Variants in MRPL22 observed in about 807,000 individuals in gnomAD.
MRPL22 encodes large ribosomal subunit protein uL22m.
In MRPL22, 27 loss-of-function variants were observed where a neutral mutation model predicts 32.4. That is an observed-to-expected ratio of 0.83 (90% CI 0.61 to 1.15). MRPL22 has a LOEUF of 1.15. Among genes scored for constraint, MRPL22 ranks in the 50% most tolerant of loss-of-function variants. The pLI, the probability that MRPL22 is intolerant of heterozygous loss-of-function variation, is 0.00. For missense variants in MRPL22, 239 were observed against 260.2 expected (o/e 0.92, Z 0.56); for synonymous variants, 86 against 87.3 (o/e 0.99, Z 0.08).
At chr5:154,943,565 GATAT>G (rs10544928) in intron 2 of MRPL22, among the ~76,000 whole-genome samples, 5 of 150,116 alleles carry the variant, frequency 3.3e-5, no homozygotes, top group Non-Finnish European at 3.0e-5. Flanking sequence ...ATTTCTGCAG[GATAT>G]ATATATATAT....
chr5:154,966,728 G>A lies in MRPL22; in HGVS notation c.452G>A (p.Arg151His), dbSNP rs546990845. 5 of 1,614,138 alleles carry A rather than the reference G, an allele frequency of 3.1e-6. No homozygotes were observed. The highest frequency in any genetic ancestry group is 2.2e-5 in the East Asian group (1 of 44,876). Residue 151 changes from arginine to histidine, a missense_variant, in exon 7 of 7, where the codon CGC becomes CAC. By Grantham distance (29) the Arg-to-His change is conservative. Coordinates refer to ENST00000523037, the MANE Select transcript of MRPL22 (RefSeq NM_014180.4). ...SGRGQCLKRIRYHGRGRFGIM... is the reference protein window; with the variant it reads ...SGRGQCLKRIHYHGRGRFGIM... ...CGAGGCCAGTGCCTGAAACGCATCCGCTACCATGGCAGAGGTCGCTTTGGG... is the reference window on the plus strand; with the variant it reads ...CGAGGCCAGTGCCTGAAACGCATCCACTACCATGGCAGAGGTCGCTTTGGG...
intron 2 of MRPL22, among the ~76,000 whole-genome samples, chr5:154,944,941 A>G (rs1764469131): frequency 6.6e-6 from 1 of 152,222 alleles, no homozygotes; most frequent in Non-Finnish European, 1.5e-5. Context: ...AGGGATAGTG[A>G]TAGGAGATGA....
intron 3 of MRPL22, among the ~76,000 whole-genome samples, chr5:154,954,216 C>T (rs1317806939): frequency 3.3e-5 from 5 of 152,074 alleles, no homozygotes; most frequent in African/African-American, 1.2e-4. Context: ...TCTCAAACTC[C>T]GGGGCTCAAG....
chr5:154,967,313 T>C lies in MRPL22; in HGVS notation c.*416T>C, dbSNP rs1764783030. 1 of 184,240 alleles carries C rather than the reference T, an allele frequency of 5.4e-6. No individual in the cohort carries two copies. Among genetic ancestry groups the C allele is most frequent in the Non-Finnish European group, 1.1e-5 (1 of 87,568 alleles). 11.4% of individuals were successfully genotyped at this position (184,240 alleles called of 1,614,324 possible). ...GTTAGAGTGGCTGCATGTTGTTTCATTACAGTATTTTAGGGTGTTCAGTGG... is the reference window on the plus strand; with the variant it reads ...GTTAGAGTGGCTGCATGTTGTTTCACTACAGTATTTTAGGGTGTTCAGTGG... On this transcript the variant is annotated 3_prime_UTR_variant, in exon 7 of 7. Coordinates refer to ENST00000523037, the MANE Select transcript of MRPL22 (RefSeq NM_014180.4). The surrounding 1 kb of genome is among the most constrained non-coding windows in gnomAD (Gnocchi z 4.7).
intron 4 of MRPL22, chr5:154,956,665 T>G (rs1764634785): frequency 6.7e-6 from 3 of 445,302 alleles, no homozygotes; most frequent in Non-Finnish European, 1.2e-5. Context: ...CTAAAAGGCA[T>G]CAGGAGTTTG....
chr5:154,965,664 C>T (rs1347606544), intron 6 of MRPL22, among the ~76,000 whole-genome samples: 5 of 152,062 alleles, frequency 3.3e-5, no homozygotes, highest in African/African-American at 7.2e-5. Flanking sequence ...TGTGGTGATC[C>T]GCCCGCCTTG....
In MRPL22 at chr5:154,941,087, G is replaced by A. The variant is rs1429596380; in HGVS notation, c.-24G>A. The A allele has an allele frequency of 3.8e-5, 62 of 1,613,308 alleles. No homozygotes were observed. Among genetic ancestry groups the A allele is most frequent in the Non-Finnish European group, 5.1e-5 (60 of 1,180,004 alleles). ...GTCCAGAAGGCGCTTGAACTCGGCG[G>A]CTTCCGTAGCGGGAGGGCGAAAGAT... On this transcript the variant is annotated 5_prime_UTR_variant, in exon 1 of 7. Coordinates refer to ENST00000523037, the MANE Select transcript of MRPL22 (RefSeq NM_014180.4).
chr5:154,951,762 T>G (rs1764564947), intron 3 of MRPL22, among the ~76,000 whole-genome samples: 1 of 152,032 alleles, frequency 6.6e-6, no homozygotes. Flanking sequence ...GTCTCCATTT[T>G]GTAATTAACC....
At chr5:154,950,216 C>T (rs1413922413) in intron 2 of MRPL22, among the ~76,000 whole-genome samples, 1 of 152,104 alleles carries the variant, frequency 6.6e-6, no homozygotes, top group South Asian at 2.1e-4. Context: ...CTCACTATCA[C>T]GAGAACAGCA....
chr5:154,963,574 A>G (rs2113546828), intron 6 of MRPL22, among the ~76,000 whole-genome samples: 2 of 152,358 alleles, frequency 1.3e-5, no homozygotes, highest in East Asian at 1.9e-4. Flanking sequence ...CAGATTTACC[A>G]GAGACCTCTG....
rs576832434 is a variant in MRPL22, at chr5:154,956,328, C to T, written c.196-43C>T. 2.2e-6 allele frequency: 3 copies of T among 1,388,214 alleles called. No homozygotes were observed. In the African/African-American group the frequency reaches 4.3e-5, roughly 20 times the overall value. 86.0% of individuals were successfully genotyped at this position (1,388,214 alleles called of 1,614,324 possible). A position where few individuals can be genotyped will look rare whatever the true frequency, so the allele number is the denominator to read the frequency against. ...ATGTTATTGTCATTTTGTGGTAAAC[C>T]TGCTAACATTTTCTTTCTGTCCTTT... is the stretch of plus-strand genomic sequence containing the variant. On this transcript the variant is annotated intron_variant, in intron 3 of 6. Coordinates refer to ENST00000523037, the MANE Select transcript of MRPL22 (RefSeq NM_014180.4).
At position 154,968,402 on chromosome 5, in the gene MRPL22, C is replaced by G. The variant is rs1238505416; in HGVS notation, c.*1505C>G. On this transcript the variant is annotated 3_prime_UTR_variant, in exon 7 of 7. Coordinates refer to ENST00000523037, the MANE Select transcript of MRPL22 (RefSeq NM_014180.4). Reference sequence around the variant, plus strand: ...ACCTTCATTCTAGTCTGTGCATTCTCATTAGCCAGAAAGAAGACTGGATAG... The same window carrying G: ...ACCTTCATTCTAGTCTGTGCATTCTGATTAGCCAGAAAGAAGACTGGATAG... 1 of 152,248 alleles carries G rather than the reference C, an allele frequency of 6.6e-6. No individual in the cohort carries two copies. Among genetic ancestry groups the G allele is most frequent in the Non-Finnish European group, 1.5e-5 (1 of 68,046 alleles). 9.4% of individuals were successfully genotyped at this position (152,248 alleles called of 1,614,324 possible). A position where few individuals can be genotyped will look rare whatever the true frequency, so the allele number is the denominator to read the frequency against.
In MRPL22 at chr5:154,942,047, A is replaced by G. The variant is rs534415194; in HGVS notation, c.77+782A>G. On this transcript the variant is annotated intron_variant, in intron 2 of 6. Transcript: ENST00000523037. ...TACTTATTCTTAATAAGCTTCAGTTATCACTTTTATGATATGAGCGTTATG... is the reference window on the plus strand; with the variant it reads ...TACTTATTCTTAATAAGCTTCAGTTGTCACTTTTATGATATGAGCGTTATG... Among the ~76,000 whole-genome samples the G allele has an allele frequency of 2.6e-5, 4 of 152,368 alleles. No individual in the cohort carries two copies. The South Asian group carries it at 8.3e-4, about 32-fold the overall frequency.
In MRPL22 at chr5:154,950,829, C is replaced by T. The variant is rs988024855; in HGVS notation, c.86C>T (p.Pro29Leu). 6.2e-7 allele frequency: 1 copy of T among 1,605,798 alleles called. No homozygotes were observed. The highest frequency in any genetic ancestry group is 2.2e-5 in the East Asian group (1 of 44,830). ...SRGKLALGVL[P>L]QSYIHTSASL... ...CTTCTTTCATTTCACAGTGTTTTAC[C>T]TCAATCATATATCCACACAAGTGCT... The change falls in exon 3 of 7, where the codon CCT becomes CTT. Residue 29 changes from proline to leucine, a missense_variant. Transcript: ENST00000523037.
intron 2 of MRPL22, among the ~76,000 whole-genome samples, chr5:154,948,209 C>G (rs114991349): frequency 0.012 from 1,840 of 152,190 alleles, 11 homozygotes; most frequent in Middle Eastern, 0.031. Context: ...ATAACCTGTA[C>G]TCTCCCTCAT....
intron 2 of MRPL22, among the ~76,000 whole-genome samples, chr5:154,948,468 C>T (rs963306704): frequency 6.6e-6 from 1 of 151,964 alleles, no homozygotes; most frequent in Non-Finnish European, 1.5e-5. Context: ...TGTTTTGTAG[C>T]GTTTTCTATA....
intron 5 of MRPL22, among the ~76,000 whole-genome samples, chr5:154,958,538 C>A: frequency 1.2e-5 from 1 of 83,298 alleles, no homozygotes; most frequent in African/African-American, 4.5e-5. Context: ...TGACAATTGT[C>A]TTTTTTTTTT....
At chr5:154,953,642 C>T (rs1764594917) in intron 3 of MRPL22, among the ~76,000 whole-genome samples, 1 of 149,644 alleles carries the variant, frequency 6.7e-6, no homozygotes, top group South Asian at 2.1e-4. Context: ...ATAATAATAC[C>T]TTAATGTGAA....
At chr5:154,945,164 G>A (rs376020966) in intron 2 of MRPL22, among the ~76,000 whole-genome samples, 2 of 152,148 alleles carry the variant, frequency 1.3e-5, no homozygotes, top group South Asian at 2.1e-4. Context: ...AGCAGAGACC[G>A]TTGGCTATTT....
Sources: gnomAD v4.1 joint callset for allele counts (sites outside exome capture counted in the v4.1 genomes callset) on GRCh38, gnomAD v4.1.1 for gene constraint, Gnocchi (gnomAD v3.1) non-coding constraint, MANE v1.5 for transcripts, NCBI Gene and HGNC (gene_info 2026-07-23, HGNC 2026-07-21) for gene names.